PVT1: variants seen among roughly 807,000 people sequenced by gnomAD.
PVT1 encodes the protein CXCR4/PVT1 fusion.
chr8:127,866,744 C>T (rs1021448820), intron 2 of PVT1, among the ~76,000 whole-genome samples: 1 of 152,116 alleles, frequency 6.6e-6, no homozygotes, highest in Admixed American at 6.5e-5. Context: ...CTGCAGGAGA[C>T]CAGACTGTTA....
intron 3 of PVT1, chr8:127,947,746 G>A (rs755827871): frequency 8.8e-6 from 4 of 456,386 alleles, no homozygotes; most frequent in African/African-American, 6.0e-5. Flanking sequence ...AAGAAAAGGC[G>A]ATGATCACAG....
chr8:127,981,075 C>CGTGAGCTACCGCG (rs1327854417), intron 3 of PVT1, among the ~76,000 whole-genome samples: 1 of 152,142 alleles, frequency 6.6e-6, no homozygotes, highest in Non-Finnish European at 1.5e-5. Context: ...GGATTATAGA[C>CGTGAGCTACCGCG]GTGAGCTACC....
intron 4 of PVT1, among the ~76,000 whole-genome samples, chr8:128,044,016 T>TA (rs1491333072): frequency 1.8e-3 from 11 of 6,048 alleles, no homozygotes; most frequent in African/African-American, 2.3e-3. Flanking sequence ...TATTTATTTA[T>TA]TTTTTTTTTT....
At position 127,835,203 on chromosome 8, in the gene PVT1, C is replaced by G. The variant is rs949786243; in HGVS notation, n.372+39132C>G. On this transcript the variant is annotated intron_variant and non_coding_transcript_variant, in intron 2 of 10. Transcript: ENST00000651587. ...AAAGACCTGGAACCAACCCAAATGCCCATCACTGATAGACTGGATAAAGAA... is the reference window on the plus strand; with the variant it reads ...AAAGACCTGGAACCAACCCAAATGCGCATCACTGATAGACTGGATAAAGAA... Among the ~76,000 whole-genome samples, 3 of 152,102 alleles carry G rather than the reference C, an allele frequency of 2.0e-5. No individual in the cohort carries two copies. The East Asian group carries it at 5.8e-4, about 29-fold the overall frequency.
chr8:127,892,153 G>A (rs1815618444), intron 3 of PVT1, among the ~76,000 whole-genome samples: 1 of 152,218 alleles, frequency 6.6e-6, no homozygotes, highest in Non-Finnish European at 1.5e-5. Context: ...ATGCCTGACA[G>A]CACTTTCTCA....
At chr8:127,812,118 G>T (rs922409039) in intron 2 of PVT1, among the ~76,000 whole-genome samples, 1 of 113,056 alleles carries the variant, frequency 8.8e-6, no homozygotes, top group African/African-American at 3.3e-5. Flanking sequence ...CAAAAGAAAA[G>T]AAAGGAAAAG....
chr8:128,024,786 C>G (rs1345798573), intron 4 of PVT1, among the ~76,000 whole-genome samples: 1 of 152,250 alleles, frequency 6.6e-6, no homozygotes, highest in African/African-American at 2.4e-5. Context: ...AGCAAGTCAG[C>G]ATCATGAGGA....
At chr8:128,033,301 C>T (rs1813420301) in intron 4 of PVT1, among the ~76,000 whole-genome samples, 1 of 152,054 alleles carries the variant, frequency 6.6e-6, no homozygotes, top group Non-Finnish European at 1.5e-5. Context: ...ATGTCACCTG[C>T]CTGGTTCCCA....
chr8:128,034,208 C>G (rs1476613387), intron 4 of PVT1, among the ~76,000 whole-genome samples: 1 of 151,792 alleles, frequency 6.6e-6, no homozygotes, highest in Non-Finnish European at 1.5e-5. Flanking sequence ...TTCCTCTTTC[C>G]TTCTCTACAC....
intron 2 of PVT1, among the ~76,000 whole-genome samples, chr8:127,800,693 T>A (rs1755957267): frequency 6.6e-6 from 1 of 152,106 alleles, no homozygotes; most frequent in African/African-American, 2.4e-5. Context: ...AACCCATTCA[T>A]TTTTCCAGGA....
intron 3 of PVT1, among the ~76,000 whole-genome samples, chr8:127,962,748 CA>C (rs1201528220): frequency 6.6e-6 from 1 of 152,084 alleles, no homozygotes; most frequent in African/African-American, 2.4e-5. Context: ...AGGGGCACAC[CA>C]CTGCACCTGG....
chr8:127,998,760 ACCTT>A lies in PVT1; in HGVS notation n.912+9474_912+9477del, dbSNP rs1312404264. Among the ~76,000 whole-genome samples the A allele has an allele frequency of 4.4e-5, 4 of 90,770 alleles. No homozygotes were observed. The Admixed American group carries it at 5.8e-4, about 13-fold the overall frequency. The allele number at this position is 90,770 out of a possible 152,430, so 59.5% of individuals were successfully genotyped here. Reference sequence around the variant, plus strand: ...CTTCCTTTTCTTCCTTTCTTTTCCTACCTTCCTTTTCCTTCCTTCCTTTCTTCCT... The same window carrying A: ...CTTCCTTTTCTTCCTTTCTTTTCCTACCTTTTCCTTCCTTCCTTTCTTCCT... On this transcript the variant is annotated intron_variant and non_coding_transcript_variant, in intron 4 of 10. Transcript: ENST00000651587.
chr8:127,860,637 T>C (rs2251286), intron 2 of PVT1, among the ~76,000 whole-genome samples: 72,873 of 151,522 alleles, frequency 0.48, 17,882 homozygotes, highest in Middle Eastern at 0.55. Flanking sequence ...TGGTGGCACG[T>C]GCCTGTAATC....
At chr8:127,953,410 CA>C (rs1483053857) in intron 3 of PVT1, among the ~76,000 whole-genome samples, 1 of 152,036 alleles carries the variant, frequency 6.6e-6, no homozygotes, top group African/African-American at 2.4e-5. Flanking sequence ...TCTCCATCTG[CA>C]AAAATCAGGC....
At chr8:128,015,576 C>T (rs1404532821) in intron 4 of PVT1, among the ~76,000 whole-genome samples, 1 of 151,770 alleles carries the variant, frequency 6.6e-6, no homozygotes, top group East Asian at 1.9e-4. Context: ...AAATCGAGAC[C>T]ATCCTGGCCA....
chr8:128,041,385 GTGTA>G (rs1813536802), intron 4 of PVT1, among the ~76,000 whole-genome samples: 1 of 150,354 alleles, frequency 6.7e-6, no homozygotes, highest in Non-Finnish European at 1.5e-5. Context: ...GTGTGCATAT[GTGTA>G]TGTGTGTGTT....
chr8:127,918,850 C>T (rs1056662077), intron 3 of PVT1, among the ~76,000 whole-genome samples: 1 of 152,192 alleles, frequency 6.6e-6, no homozygotes, highest in Admixed American at 6.5e-5. Flanking sequence ...AACCCCCACT[C>T]GTAGCAACCT....
At chr8:127,901,276 G>T (rs1422812909) in intron 3 of PVT1, among the ~76,000 whole-genome samples, 1 of 152,186 alleles carries the variant, frequency 6.6e-6, no homozygotes, top group African/African-American at 2.4e-5. Flanking sequence ...CTGGAGTCTG[G>T]CTCTGGCCCT....
intron 3 of PVT1, among the ~76,000 whole-genome samples, chr8:127,941,106 A>G (rs1816344005): frequency 6.6e-6 from 1 of 152,200 alleles, no homozygotes. Context: ...GAGCTTCTGG[A>G]AGCCTCCTCG....
Sources: allele counts gnomAD v4.1 joint callset (sites outside exome capture counted in the v4.1 genomes callset), GRCh38; gene constraint gnomAD v4.1.1; transcripts MANE v1.5; gene names NCBI Gene and HGNC (gene_info 2026-07-23, HGNC 2026-07-21).